ANKRD17: variants seen among roughly 807,000 people sequenced by gnomAD.
ANKRD17 encodes ankyrin repeat domain-containing protein 17.
A neutral mutation model predicts 229.7 loss-of-function variants in ANKRD17; 19 were observed. That is an observed-to-expected ratio of 0.08 (90% CI 0.06 to 0.12). The LOEUF (loss-of-function observed/expected upper bound fraction) is 0.12. ANKRD17 is among the 10% of genes least tolerant of loss of function. The probability of loss-of-function intolerance (pLI) is 1.00; values close to 1 mark genes in which losing one functional copy is unlikely to be tolerated. For missense variants in ANKRD17, 2,176 were observed against 3,176.8 expected (o/e 0.68, Z 7.57); for synonymous variants, 1,112 against 1,146.1 (o/e 0.97, Z 0.60).
chr4:73,243,115 C>A (rs1744192373), intron 1 of ANKRD17, among the ~76,000 whole-genome samples: 1 of 152,108 alleles, frequency 6.6e-6, no homozygotes, highest in African/African-American at 2.4e-5. Context: ...AGAAAGTCTG[C>A]ATGTTTCAAA....
chr4:73,258,533 G>T lies in ANKRD17; in HGVS notation c.136C>A (p.Arg46Ser). ...ATCCCACGAGGAGACGAGGCCGAGCGAGCTCTGCTGCTGCCGCCAACGCCG... is the reference window on the plus strand; with the variant it reads ...ATCCCACGAGGAGACGAGGCCGAGCTAGCTCTGCTGCTGCCGCCAACGCCG... ...GGGVGGSSRA[R>S]SASSPRGMVR... The change falls in exon 1 of 34, where the codon CGC (arginine) becomes AGC (serine). Residue 46 changes from arginine to serine, a missense_variant. By Grantham distance (110) the Arg-to-Ser change is moderately radical. This residue lies in a region of ANKRD17 where 196 missense variants were observed against 190.0 expected (regional missense o/e 1.03). Transcript: ENST00000358602. The T allele has an allele frequency of 1.3e-6, 2 of 1,523,200 alleles. No individual in the cohort carries two copies. Among genetic ancestry groups the T allele is most frequent in the Non-Finnish European group, 1.8e-6 (2 of 1,140,040 alleles). 94.4% of individuals were successfully genotyped at this position (1,523,200 alleles called of 1,614,324 possible).
intron 1 of ANKRD17, among the ~76,000 whole-genome samples, chr4:73,252,915 G>A (rs1434182466): frequency 6.6e-6 from 1 of 151,894 alleles, no homozygotes; most frequent in African/African-American, 2.4e-5. Flanking sequence ...GAAAACTTGG[G>A]GTGACCAACT....
intron 1 of ANKRD17, among the ~76,000 whole-genome samples, chr4:73,203,206 A>G (rs868755912): frequency 6.6e-6 from 1 of 152,274 alleles, no homozygotes; most frequent in Middle Eastern, 3.4e-3. Context: ...ACAGCTCCCC[A>G]ACACTTCTTT....
At chr4:73,113,437 G>T in intron 24 of ANKRD17, 1 of 1,220,254 alleles carries the variant, frequency 8.2e-7, no homozygotes, top group Middle Eastern at 2.3e-4. Flanking sequence ...TAAACCTGTT[G>T]GCAATAAATT....
rs200513105 is a variant in ANKRD17, at chr4:73,135,246, A to G, written c.3105T>C (p.Ser1035=). The G allele has an allele frequency of 2.5e-6, 4 of 1,613,082 alleles. No individual in the cohort carries two copies. In the African/African-American group the frequency reaches 5.3e-5, roughly 21 times the overall value. The change falls in exon 16 of 34, where the codon TCT becomes TCC. Residue 1035 remains serine, a synonymous_variant. Coordinates refer to ENST00000358602, the MANE Select transcript of ANKRD17 (RefSeq NM_032217.5). The stretch of plus-strand genomic sequence containing the variant: ...TGTGGGTAGGAGTGTTTGACATTGC[A>G]GATGCTCTTCCACTGACTGCTGTTG... The part of the protein sequence containing the change: ...DIMAAVSGRA[S]AMSNTPTHSI...
intron 2 of ANKRD17, among the ~76,000 whole-genome samples, chr4:73,163,142 C>T (rs1455682512): frequency 1.3e-5 from 2 of 151,696 alleles, no homozygotes; most frequent in Admixed American, 6.6e-5. Flanking sequence ...TAGGTTTACA[C>T]GTGTGATCCA....
intron 1 of ANKRD17, among the ~76,000 whole-genome samples, chr4:73,216,361 C>A (rs1741039177): frequency 6.6e-6 from 1 of 151,822 alleles, no homozygotes; most frequent in East Asian, 1.9e-4. Context: ...AGATATAACT[C>A]TCAGAAACAA....
At chr4:73,117,314 A>G (rs1453452354) in intron 22 of ANKRD17, among the ~76,000 whole-genome samples, 1 of 152,226 alleles carries the variant, frequency 6.6e-6, no homozygotes, top group Admixed American at 6.5e-5. Flanking sequence ...CTCCACATTA[A>G]GGATTCTAAT....
chr4:73,245,010 A>G (rs553631987), intron 1 of ANKRD17, among the ~76,000 whole-genome samples: 135 of 152,140 alleles, frequency 8.9e-4, no homozygotes, highest in Non-Finnish European at 2.1e-4. Flanking sequence ...GCAAGCAGAG[A>G]CAGACATGAA....
At chr4:73,155,890 A>C in intron 4 of ANKRD17, 112 bp from the exon 5 acceptor site, 1 of 1,478,370 alleles carries the variant, frequency 6.8e-7, no homozygotes, top group African/African-American at 1.4e-5. Flanking sequence ...ATAAGCACAC[A>C]AAATTTATCT....
chr4:73,176,180 T>C (rs180795177), intron 2 of ANKRD17, among the ~76,000 whole-genome samples: 1 of 152,122 alleles, frequency 6.6e-6, no homozygotes, highest in African/African-American at 2.4e-5. Context: ...GACATATAAA[T>C]GGCAAATACA....
At chr4:73,185,674 A>C (rs1431886940) in intron 1 of ANKRD17, among the ~76,000 whole-genome samples, 1 of 152,076 alleles carries the variant, frequency 6.6e-6, no homozygotes, top group Non-Finnish European at 1.5e-5. Context: ...TCCATAACTA[A>C]CACCACTTTG....
Position 73,077,198 on chromosome 4 carries a change from C to T in ANKRD17, c.7588-94G>A. 2.9e-6 allele frequency: 4 copies of T among 1,378,756 alleles called. No homozygotes were observed. In the Middle Eastern group the frequency reaches 8.7e-4, roughly 299 times the overall value. 85.4% of individuals were successfully genotyped at this position (1,378,756 alleles called of 1,614,324 possible). A position where few individuals can be genotyped will look rare whatever the true frequency, so the allele number is the denominator to read the frequency against. On this transcript the variant is annotated intron_variant, in intron 32 of 33. Transcript: ENST00000358602. ...CTTAAAATTGATATTTGAAAGTTCA[C>T]CTCATCCTGGGAATGTGTAACTTAT...
chr4:73,253,455 C>T (rs1391813724), intron 1 of ANKRD17, among the ~76,000 whole-genome samples: 4 of 152,064 alleles, frequency 2.6e-5, no homozygotes, highest in Admixed American at 6.6e-5. Context: ...AATGAGAATA[C>T]GAGAAAATTG....
chr4:73,139,652 T>C lies in ANKRD17; in HGVS notation c.2964A>G (p.Pro988=). 5 of 1,614,188 alleles carry C rather than the reference T, an allele frequency of 3.1e-6. No homozygotes were observed. The highest frequency in any genetic ancestry group is 1.3e-5 in the African/African-American group (1 of 75,070). Reference sequence around the variant, plus strand: ...CTGCCAACTGTGCTTGGCCCAGTACTGGCTGTCCAACTATCACTCCTTGCA... The same window carrying C: ...CTGCCAACTGTGCTTGGCCCAGTACCGGCTGTCCAACTATCACTCCTTGCA... ...TELQGVIVGQ[P]VLGQAQLAGL... The change falls in exon 15 of 34, where the codon CCA becomes CCG. Residue 988 remains proline (P), a synonymous_variant. Transcript: ENST00000358602.
At chr4:73,142,864 T>G in intron 11 of ANKRD17, 97 bp from the exon 12 acceptor site, 1 of 1,356,858 alleles carries the variant, frequency 7.4e-7, no homozygotes, top group South Asian at 1.5e-5. Flanking sequence ...AAAATAGTAT[T>G]ATGAGGCTCC....
At chr4:73,184,452 C>T (rs1225045979) in intron 1 of ANKRD17, among the ~76,000 whole-genome samples, 1 of 140,354 alleles carries the variant, frequency 7.1e-6, no homozygotes, top group Non-Finnish European at 1.5e-5. Flanking sequence ...TCACTTGAAT[C>T]TGGGAGGCAG....
chr4:73,111,334 C>T (rs867873081), intron 24 of ANKRD17, among the ~76,000 whole-genome samples: 1 of 152,238 alleles, frequency 6.6e-6, no homozygotes, highest in African/African-American at 2.4e-5. Flanking sequence ...CACTGTGATA[C>T]CTCAACAGTC....
intron 1 of ANKRD17, among the ~76,000 whole-genome samples, chr4:73,238,354 C>T (rs16849210): frequency 0.019 from 2,853 of 152,238 alleles, 179 homozygotes; most frequent in Admixed American, 0.12. Context: ...CAGCATTCTT[C>T]CCACTTCACA....
Sources: allele counts gnomAD v4.1 joint callset (sites outside exome capture counted in the v4.1 genomes callset), GRCh38; gene constraint gnomAD v4.1.1; regional missense constraint gnomAD v4.1.1; transcripts MANE v1.5; gene names NCBI Gene and HGNC (gene_info 2026-07-23, HGNC 2026-07-21).